ESRRG: variants seen among roughly 807,000 people sequenced by gnomAD.
ESRRG encodes the protein estrogen related receptor gamma.
ESRRG carries 13 observed loss-of-function variants against 44.0 expected under a neutral mutation model. That is an observed-to-expected ratio of 0.30 (90% CI 0.19 to 0.47). The LOEUF (loss-of-function observed/expected upper bound fraction) is 0.47, where lower values mean the gene tolerates loss of function less well. Among genes scored for constraint, ESRRG ranks in the 20% least tolerant of loss-of-function variants. The pLI is 1.00. For missense variants in ESRRG, 395 were observed against 580.6 expected, an observed-to-expected ratio of 0.68 and a Z score of 3.29; for synonymous variants, 215 against 214.6, an observed-to-expected ratio of 1.00 and a Z score of -0.02.
chr1:216,968,706 T>C (rs2070985452), intron 1 of ESRRG, among the ~76,000 whole-genome samples: 1 of 151,676 alleles, frequency 6.6e-6, no homozygotes, highest in Admixed American at 6.6e-5. Flanking sequence ...TGGGTCTTTT[T>C]TTTTTTTTGT....
intron 1 of ESRRG, among the ~76,000 whole-genome samples, chr1:217,071,241 C>G (rs1408794446): frequency 6.6e-6 from 1 of 152,044 alleles, no homozygotes; most frequent in South Asian, 2.1e-4. Context: ...TGGGTCTCTC[C>G]TTCATTGCAA....
At chr1:216,651,550 A>C (rs985650220) in intron 2 of ESRRG, among the ~76,000 whole-genome samples, 1 of 152,188 alleles carries the variant, frequency 6.6e-6, no homozygotes, top group Non-Finnish European at 1.5e-5. Context: ...GTGGAAAATG[A>C]TATGTAAACA....
intron 6 of ESRRG, among the ~76,000 whole-genome samples, chr1:216,511,756 A>G (rs1343025397): frequency 6.6e-6 from 1 of 152,228 alleles, no homozygotes; most frequent in African/African-American, 2.4e-5. Flanking sequence ...CCGAATAGAA[A>G]GGATATTATC....
At chr1:217,001,136 T>G (rs2076985402) in intron 1 of ESRRG, among the ~76,000 whole-genome samples, 1 of 152,266 alleles carries the variant, frequency 6.6e-6, no homozygotes, top group Non-Finnish European at 1.5e-5. Flanking sequence ...ATGGTTCAAC[T>G]AATTTCTTCC....
At chr1:216,812,316 A>G (rs552348320) in intron 2 of ESRRG, among the ~76,000 whole-genome samples, 4 of 152,326 alleles carry the variant, frequency 2.6e-5, no homozygotes, top group African/African-American at 7.2e-5. Context: ...TTGAACAACC[A>G]TAAGTAGATA....
chr1:216,629,813 A>ACCCC (rs2063809880), intron 3 of ESRRG, among the ~76,000 whole-genome samples: 1 of 152,184 alleles, frequency 6.6e-6, no homozygotes, highest in Non-Finnish European at 1.5e-5. Context: ...ACTTAGGCAA[A>ACCCC]ATACCAAATC....
chr1:216,976,032 G>T (rs1193998498), intron 1 of ESRRG, among the ~76,000 whole-genome samples: 1 of 152,112 alleles, frequency 6.6e-6, no homozygotes, highest in Non-Finnish European at 1.5e-5. Context: ...TCCCAGGGCT[G>T]AAGTTTCCTT....
At chr1:216,947,171 G>GA (rs1318305344) in intron 1 of ESRRG, among the ~76,000 whole-genome samples, 4 of 151,804 alleles carry the variant, frequency 2.6e-5, no homozygotes, top group Non-Finnish European at 4.4e-5. Context: ...GAAATTCCAA[G>GA]AGAAAAATAT....
intron 1 of ESRRG, among the ~76,000 whole-genome samples, chr1:216,947,863 T>C (rs2066310198): frequency 1.3e-5 from 2 of 152,154 alleles, no homozygotes; most frequent in East Asian, 1.9e-4. Flanking sequence ...TTTTCCTCCA[T>C]GGAAAGAGAG....
chr1:217,035,033 A>G (rs2082636718), intron 1 of ESRRG, among the ~76,000 whole-genome samples: 1 of 152,194 alleles, frequency 6.6e-6, no homozygotes. Flanking sequence ...AGAACAAGAT[A>G]GAGCAGGCTA....
At chr1:217,100,385 C>T (rs2092492433) in intron 1 of ESRRG, among the ~76,000 whole-genome samples, 1 of 152,138 alleles carries the variant, frequency 6.6e-6, no homozygotes, top group South Asian at 2.1e-4. Flanking sequence ...TGATGGATCA[C>T]CCCAGGTGAT....
At chr1:217,127,054 C>T (rs767158159) in intron 1 of ESRRG, among the ~76,000 whole-genome samples, 1 of 152,070 alleles carries the variant, frequency 6.6e-6, no homozygotes, top group African/African-American at 2.4e-5. Context: ...TAGAGATTTC[C>T]AATTACGGGG....
At position 216,505,801 on chromosome 1, in the gene ESRRG, T is replaced by C. The variant is rs1034643608; in HGVS notation, c.*1138A>G. ...CACACAACATAAATTGCATCCGTGA[T>C]AATATGCACCTTCCCTTCAACTATT... On this transcript the variant is annotated 3_prime_UTR_variant, in exon 7 of 7. Transcript: ENST00000408911. The C allele has an allele frequency of 2.6e-5, 4 of 152,628 alleles. No individual in the cohort carries two copies. The highest frequency in any genetic ancestry group is 3.9e-4 in the East Asian group (2 of 5,192). The allele number at this position is 152,628 out of a possible 1,614,324, so 9.5% of individuals were successfully genotyped here. A position where few individuals can be genotyped will look rare whatever the true frequency, so the allele number is the denominator to read the frequency against.
intron 2 of ESRRG, among the ~76,000 whole-genome samples, chr1:216,734,851 T>C (rs935021475): frequency 6.6e-6 from 1 of 150,934 alleles, no homozygotes; most frequent in South Asian, 2.1e-4. Context: ...ATTTCCCCCC[T>C]CTACCCTGTA....
chr1:216,888,598 C>T lies in ESRRG; in HGVS notation c.-14+50984G>A, dbSNP rs563636835. On this transcript the variant is annotated intron_variant, in intron 2 of 7. Coordinates refer to the ESRRG transcript ENST00000359162. The stretch of plus-strand genomic sequence containing the variant: ...ATTTTACCTACAGGGTCATGGGATT[C>T]GTACAGACTCTCACCAATACCTATA... Among the ~76,000 whole-genome samples the T allele has an allele frequency of 6.6e-5, 10 of 152,230 alleles. No individual in the cohort carries two copies. In the South Asian group the frequency reaches 1.9e-3, roughly 28 times the overall value.
intron 3 of ESRRG, among the ~76,000 whole-genome samples, chr1:216,648,329 G>A (rs184842661): frequency 5.9e-5 from 9 of 152,272 alleles, no homozygotes; most frequent in Admixed American, 4.6e-4. Flanking sequence ...GAGGTGGGGG[G>A]AGGTGGTTAA....
At chr1:217,035,978 C>T (rs1430022867) in intron 1 of ESRRG, among the ~76,000 whole-genome samples, 1 of 152,090 alleles carries the variant, frequency 6.6e-6, no homozygotes, top group Non-Finnish European at 1.5e-5. Context: ...AAAAAACCAA[C>T]CTAATTTAAA....
intron 1 of ESRRG, among the ~76,000 whole-genome samples, chr1:217,087,206 A>C (rs1018352696): frequency 3.3e-5 from 5 of 152,190 alleles, no homozygotes. Context: ...CCCTGTAAAC[A>C]AGGTTACTGA....
intron 2 of ESRRG, among the ~76,000 whole-genome samples, chr1:216,761,068 G>T (rs2092743855): frequency 6.6e-6 from 1 of 151,690 alleles, no homozygotes; most frequent in African/African-American, 2.4e-5. Flanking sequence ...CCTCCCCCTG[G>T]GGACAGGTGT....
Sources: gnomAD v4.1 joint callset for allele counts (sites outside exome capture counted in the v4.1 genomes callset) on GRCh38, gnomAD v4.1.1 for gene constraint, MANE v1.5 for transcripts, NCBI Gene and HGNC (gene_info 2026-07-23, HGNC 2026-07-21) for gene names.